Variants in KAZN observed in about 807,000 individuals in gnomAD.
KAZN encodes kazrin, periplakin interacting protein.
A neutral mutation model predicts 87.4 loss-of-function variants in KAZN; 40 were observed. The observed-to-expected ratio is 0.46, with a 90% confidence interval of 0.36 to 0.60. The LOEUF (loss-of-function observed/expected upper bound fraction) is 0.60, where lower values mean the gene tolerates loss of function less well. KAZN is among the 20% of genes least tolerant of loss of function. The probability of loss-of-function intolerance (pLI) is 0.00; values close to 1 mark genes in which losing one functional copy is unlikely to be tolerated. For synonymous variants in KAZN, 466 were observed against 458.3 expected (o/e 1.02, Z -0.22); for missense variants, 898 against 1,073.9 (o/e 0.84, Z 2.29).
chr1:14,109,218 A>AGGT (rs1644446556), intron 1 of KAZN, among the ~76,000 whole-genome samples: 1 of 152,222 alleles, frequency 6.6e-6, no homozygotes, highest in Non-Finnish European at 1.5e-5. Flanking sequence ...AGAGTCAGCC[A>AGGT]GGTGTTCCTA....
chr1:14,132,479 G>C (rs1396565682), intron 1 of KAZN, among the ~76,000 whole-genome samples: 1 of 152,194 alleles, frequency 6.6e-6, no homozygotes, highest in Non-Finnish European at 1.5e-5. Context: ...GCATTAAGCT[G>C]ACTGGCTAAA....
chr1:14,857,274 C>T lies in KAZN; in HGVS notation c.227-103410C>T, dbSNP rs185980546. On this transcript the variant is annotated intron_variant, in intron 1 of 14. Coordinates refer to ENST00000376030, the MANE Select transcript of KAZN (RefSeq NM_201628.3). ...GCGTGGTGGCTCCCACCTGTAATCC[C>T]AGCACTTTGGGAGGCTGAGGTGGGA... is the stretch of plus-strand genomic sequence containing the variant. Among the ~76,000 whole-genome samples, 176 of 152,296 alleles carry T rather than the reference C, an allele frequency of 1.2e-3. 2 individuals carry two copies. The East Asian group carries it at 0.023, about 20-fold the overall frequency.
intron 2 of KAZN, among the ~76,000 whole-genome samples, chr1:14,418,088 G>A (rs1571589091): frequency 7.2e-6 from 1 of 138,440 alleles, no homozygotes; most frequent in African/African-American, 2.7e-5. Context: ...TCCCCTCCCA[G>A]GAGATGATCC....
chr1:15,067,726 G>A, intron 8 of KAZN: 1 of 985,480 alleles, frequency 1.0e-6, no homozygotes, highest in Non-Finnish European at 1.2e-6. Context: ...CAAGCAGGCA[G>A]AGGCCCTCAT....
intron 1 of KAZN, among the ~76,000 whole-genome samples, chr1:14,718,429 C>A (rs577507655): frequency 6.6e-6 from 1 of 152,194 alleles, no homozygotes; most frequent in African/African-American, 2.4e-5. Flanking sequence ...CTTGCGGGGA[C>A]TTTTCCATTT....
chr1:15,045,775 A>G (rs74627526), intron 4 of KAZN, among the ~76,000 whole-genome samples: 11,784 of 152,256 alleles, frequency 0.077, 586 homozygotes, highest in Middle Eastern at 0.18. Flanking sequence ...AGGAGGGAGA[A>G]TGAATGCAGA....
intron 2 of KAZN, among the ~76,000 whole-genome samples, chr1:14,442,032 G>T (rs1666734844): frequency 2.0e-5 from 3 of 152,194 alleles, no homozygotes; most frequent in Admixed American, 6.5e-5. Flanking sequence ...GAGCAAGTGG[G>T]AGCTGAAGTC....
At chr1:14,644,333 T>C (rs150856144) in intron 1 of KAZN, among the ~76,000 whole-genome samples, 22 of 151,142 alleles carry the variant, frequency 1.5e-4, no homozygotes, top group African/African-American at 5.3e-4. Flanking sequence ...AATAGAATTG[T>C]CTGTTTTTCT....
intron 4 of KAZN, among the ~76,000 whole-genome samples, chr1:15,048,509 G>A (rs536430327): frequency 2.7e-4 from 41 of 152,338 alleles, no homozygotes; most frequent in Non-Finnish European, 4.9e-4. Context: ...CGTTGCCCCC[G>A]CAGGAGCCTC....
At chr1:14,718,872 C>T (rs1410946778) in intron 1 of KAZN, among the ~76,000 whole-genome samples, 1 of 152,192 alleles carries the variant, frequency 6.6e-6, no homozygotes, top group Non-Finnish European at 1.5e-5. Flanking sequence ...AGAACCACCC[C>T]ACTCCGCCCC....
At chr1:15,104,398 C>T (rs1344477841) in intron 13 of KAZN, among the ~76,000 whole-genome samples, 3 of 152,146 alleles carry the variant, frequency 2.0e-5, no homozygotes, top group African/African-American at 4.8e-5. Flanking sequence ...ACTAGAAAGA[C>T]GTAGAGGAGC....
intron 1 of KAZN, among the ~76,000 whole-genome samples, chr1:14,036,217 C>T (rs1304523580): frequency 6.6e-6 from 1 of 152,208 alleles, no homozygotes; most frequent in African/African-American, 2.4e-5. Flanking sequence ...TCTCTTCCAA[C>T]ATGGCCCAAG....
chr1:14,045,616 C>T (rs1570603782), intron 1 of KAZN, among the ~76,000 whole-genome samples: 2 of 152,300 alleles, frequency 1.3e-5, no homozygotes, highest in East Asian at 3.9e-4. Context: ...TTGATGGATT[C>T]TCAGGGAGCC....
At chr1:14,867,233 C>G (rs1328546229) in intron 1 of KAZN, among the ~76,000 whole-genome samples, 1 of 152,214 alleles carries the variant, frequency 6.6e-6, no homozygotes, top group East Asian at 1.9e-4. Context: ...TCCCCTCTCC[C>G]TCCTCTTTTG....
intron 1 of KAZN, among the ~76,000 whole-genome samples, chr1:13,959,766 C>T (rs775562766): frequency 6.6e-6 from 1 of 152,142 alleles, no homozygotes; most frequent in Non-Finnish European, 1.5e-5. Context: ...TGGGAAATTA[C>T]CAAATTAAGG....
At chr1:14,407,756 A>G (rs1199673725) in intron 2 of KAZN, among the ~76,000 whole-genome samples, 1 of 152,076 alleles carries the variant, frequency 6.6e-6, no homozygotes, top group Non-Finnish European at 1.5e-5. Context: ...AACAAAAACC[A>G]TGTCTTTTTT....
rs191975849 is a variant in KAZN, at chr1:13,972,349, T to C, written c.91+78593T>C. Reference sequence around the variant, plus strand: ...AGTGCAGTGGCGCTATCTTGGCTCATTGCAAGCTCTGCCTCCCGAATGCCA... The same window carrying C: ...AGTGCAGTGGCGCTATCTTGGCTCACTGCAAGCTCTGCCTCCCGAATGCCA... On this transcript the variant is annotated intron_variant, in intron 1 of 16. Transcript: ENST00000636203. 1.4e-3 allele frequency among the ~76,000 whole-genome samples: 208 copies of C among 151,010 alleles called. 1 individual carries two copies. The highest frequency in any genetic ancestry group is 1.0e-3 in the Non-Finnish European group (71 of 67,792).
chr1:14,360,898 A>G (rs1197195949), intron 2 of KAZN, among the ~76,000 whole-genome samples: 1 of 152,196 alleles, frequency 6.6e-6, no homozygotes, highest in Non-Finnish European at 1.5e-5. Flanking sequence ...TGTATCTCCC[A>G]GTCAGGATGC....
At chr1:14,563,395 G>A (rs1190318194) in intron 2 of KAZN, among the ~76,000 whole-genome samples, 6 of 152,010 alleles carry the variant, frequency 3.9e-5, no homozygotes, top group Non-Finnish European at 7.4e-5. Context: ...ATAACCCAAG[G>A]GACTCCAGTC....
Sources: allele counts gnomAD v4.1 joint callset (sites outside exome capture counted in the v4.1 genomes callset), GRCh38; gene constraint gnomAD v4.1.1; transcripts MANE v1.5; gene names NCBI Gene and HGNC (gene_info 2026-07-23, HGNC 2026-07-21).